The following TRPM8 variants were observed in gnomAD, a reference collection of about 807,000 sequenced individuals.
TRPM8 encodes transient receptor potential cation channel subfamily M member 8, also known as TRPM8 cationic channel.
In TRPM8, 110 loss-of-function variants were observed where a neutral mutation model predicts 133.7. The ratio of observed to expected loss-of-function variants is 0.82; its 90% confidence interval spans 0.70 to 0.96. TRPM8 has a LOEUF of 0.96. TRPM8 is among the 40% of genes least tolerant of loss of function. TRPM8 has a pLI of 0.00. For missense variants in TRPM8, 1,291 were observed against 1,379.5 expected (o/e 0.94, Z 1.02); for synonymous variants, 535 against 532.3 (o/e 1.01, Z -0.07).
intron 8 of TRPM8, among the ~76,000 whole-genome samples, chr2:233,948,820 G>T (rs774286489): frequency 6.6e-6 from 1 of 152,182 alleles, no homozygotes; most frequent in East Asian, 1.9e-4. Flanking sequence ...ATCACCTGAG[G>T]TCAGGAGTTC....
rs751810525 is a variant in TRPM8, at chr2:233,960,978, C to A, written c.1565C>A (p.Thr522Lys). The A allele has an allele frequency of 1.9e-6, 3 of 1,614,178 alleles. No individual in the cohort carries two copies. The highest frequency in any genetic ancestry group is 1.3e-5 in the African/African-American group (1 of 75,026). ...AATTCCTATAATGATGCCCTCCTCACGTTTGTCTGGAAACTGGTTGCGAAC... is the reference window on the plus strand; with the variant it reads ...AATTCCTATAATGATGCCCTCCTCAAGTTTGTCTGGAAACTGGTTGCGAAC... ...AKNSYNDALL[T>K]FVWKLVANFR... Residue 522 changes from threonine to lysine, a missense_variant, in exon 12 of 26, where the codon ACG (threonine) becomes AAG (lysine). By Grantham distance (78) the Thr-to-Lys change is moderately conservative (BLOSUM62 -1). Coordinates refer to ENST00000324695, the MANE Select transcript of TRPM8 (RefSeq NM_024080.5).
In TRPM8 at chr2:233,926,582, T is replaced by G. The variant is rs777438777; in HGVS notation, c.45T>G (p.Asn15Lys). Reference protein sequence around the residue: ...AARLSMRNRRNDTLDSTRTLY... With the variant: ...AARLSMRNRRKDTLDSTRTLY... ...GGCTCAGCATGAGGAACAGAAGGAA[T>G]GACACTCTGGACAGCACCCGGACCC... Residue 15 changes from asparagine to lysine, a missense_variant, in exon 2 of 26, where the codon AAT (asparagine) becomes AAG (lysine). Coordinates refer to ENST00000324695, the MANE Select transcript of TRPM8 (RefSeq NM_024080.5). 9 of 1,614,086 alleles carry G rather than the reference T, an allele frequency of 5.6e-6. No individual in the cohort carries two copies. Among genetic ancestry groups the G allele is most frequent in the Non-Finnish European group, 7.6e-6 (9 of 1,180,004 alleles).
At position 233,983,195 on chromosome 2, in the gene TRPM8, T is replaced by C. The variant is rs1218301641; in HGVS notation, c.2732T>C (p.Met911Thr). The change falls in exon 20 of 26, where the codon ATG becomes ACG. Residue 911 changes from methionine (M) to threonine (T), a missense_variant. Physicochemically the swap from Met to Thr is moderately conservative, Grantham distance 81 (BLOSUM62 -1). Around this residue, in one of 2 missense-constraint regions of TRPM8, gnomAD observed 328 missense variants for 410.6 expected, o/e 0.80. Coordinates refer to ENST00000324695, the MANE Select transcript of TRPM8 (RefSeq NM_024080.5). ...RSVIYEPYLA[M>T]FGQVPSDVDG... is the part of the protein sequence containing the mutation. The stretch of plus-strand genomic sequence containing the variant: ...GTCATCTACGAGCCCTACCTGGCCA[T>C]GTTCGGCCAGGTGCCCAGTGACGTG... 1.9e-6 allele frequency: 3 copies of C among 1,614,070 alleles called. No individual in the cohort carries two copies. The highest frequency in any genetic ancestry group is 1.7e-6 in the Non-Finnish European group (2 of 1,180,014).
chr2:233,994,013 A>C (rs1286951389), intron 21 of TRPM8, among the ~76,000 whole-genome samples: 1 of 152,108 alleles, frequency 6.6e-6, no homozygotes, highest in Non-Finnish European at 1.5e-5. Flanking sequence ...GAAATACAAC[A>C]TTGCTTAAAG....
intron 2 of TRPM8, among the ~76,000 whole-genome samples, chr2:233,928,997 C>CTTT (rs750819533): frequency 8.5e-6 from 1 of 117,780 alleles, no homozygotes; most frequent in Non-Finnish European, 1.6e-5. Context: ...AGTTTCTTTT[C>CTTT]TTTTTTTTTT....
At chr2:234,012,309 G>A (rs866748984) in intron 24 of TRPM8, among the ~76,000 whole-genome samples, 8 of 151,964 alleles carry the variant, frequency 5.3e-5, no homozygotes, top group African/African-American at 1.7e-4. Flanking sequence ...CACCATGCCC[G>A]GCTAATTTTT....
In TRPM8 at chr2:233,939,050, C is replaced by G; in HGVS notation, c.401C>G (p.Thr134Ser). 2 of 1,614,232 alleles carry G rather than the reference C, an allele frequency of 1.2e-6. No homozygotes were observed. The highest frequency in any genetic ancestry group is 1.7e-5 in the Admixed American group (1 of 60,038). ...GCGGAAATCCTTTACGAGCTGCTGA[C>G]CCAGCACTGGCACCTGAAAACACCC... ...TDAEILYELL[T>S]QHWHLKTPNL... is the part of the protein sequence containing the mutation. Residue 134 changes from threonine (T) to serine (S), a missense_variant, in exon 5 of 26, where the codon ACC (threonine) becomes AGC (serine). Transcript: ENST00000324695.
chr2:233,990,940 C>G (rs1259342141), intron 21 of TRPM8, among the ~76,000 whole-genome samples: 1 of 152,074 alleles, frequency 6.6e-6, no homozygotes, highest in African/African-American at 2.4e-5. Flanking sequence ...TAATGTAATA[C>G]AAACAGCATG....
intron 20 of TRPM8, 57 bp from the exon 21 acceptor site, chr2:233,985,631 A>G (rs1692125509): frequency 6.5e-7 from 1 of 1,537,484 alleles, no homozygotes; most frequent in Admixed American, 1.7e-5. Flanking sequence ...TGGGAATGCC[A>G]TCGCTCTCAC....
intron 11 of TRPM8, among the ~76,000 whole-genome samples, chr2:233,955,704 C>T (rs1205201384): frequency 6.6e-6 from 1 of 152,172 alleles, no homozygotes; most frequent in African/African-American, 2.4e-5. Context: ...TAGTGAGATA[C>T]ATAAGAGACA....
At chr2:233,920,522 T>G (rs962889006) in intron 1 of TRPM8, among the ~76,000 whole-genome samples, 6 of 152,238 alleles carry the variant, frequency 3.9e-5, no homozygotes, top group Non-Finnish European at 7.3e-5. Flanking sequence ...GATAATTCCA[T>G]TGAATTTTAC....
chr2:233,949,980 C>T lies in TRPM8; in HGVS notation c.974C>T (p.Pro325Leu). The T allele has an allele frequency of 1.9e-6, 3 of 1,614,114 alleles. No individual in the cohort carries two copies. The highest frequency in any genetic ancestry group is 2.5e-6 in the Non-Finnish European group (3 of 1,180,036). ...AATACCTCCATCAAAAATAAAATTC[C>T]TTGTGTGGTGGTGGAAGGCTCGGGC... ...AINTSIKNKI[P>L]CVVVEGSGQI... The change falls in exon 9 of 26, where the codon CCT (proline) becomes CTT (leucine). Residue 325 changes from proline (P) to leucine (L), a missense_variant. This residue lies in a region of TRPM8 where 963 missense variants were observed against 968.9 expected (regional missense o/e 0.99). Coordinates refer to ENST00000324695, the MANE Select transcript of TRPM8 (RefSeq NM_024080.5).
intron 5 of TRPM8, among the ~76,000 whole-genome samples, chr2:233,941,402 A>C (rs2125097569): frequency 6.6e-6 from 1 of 152,346 alleles, no homozygotes; most frequent in African/African-American, 2.4e-5. Context: ...TAAAAGAAGC[A>C]GGTGTAAAAC....
chr2:233,953,876 TA>T, intron 9 of TRPM8, 40 bp from the exon 10 acceptor site: 1 of 1,543,146 alleles, frequency 6.5e-7, no homozygotes, highest in Non-Finnish European at 8.9e-7. Flanking sequence ...TCCTCATGCC[TA>T]AAATCTGTTG....
intron 22 of TRPM8, among the ~76,000 whole-genome samples, chr2:233,997,002 C>A (rs1173114677): frequency 6.6e-6 from 1 of 152,162 alleles, no homozygotes; most frequent in Non-Finnish European, 1.5e-5. Flanking sequence ...TGGTGGCTCA[C>A]GCCTGTAATC....
chr2:234,008,504 GGA>G (rs1491404879), intron 24 of TRPM8, among the ~76,000 whole-genome samples: 1 of 152,208 alleles, frequency 6.6e-6, no homozygotes, highest in Non-Finnish European at 1.5e-5. Context: ...GGAGGGCATT[GGA>G]AATGCGTGAG....
At chr2:234,015,326 A>C (rs1483890359) in intron 25 of TRPM8, among the ~76,000 whole-genome samples, 1 of 152,156 alleles carries the variant, frequency 6.6e-6, no homozygotes, top group African/African-American at 2.4e-5. Context: ...GTTAGGAAAA[A>C]AACAGCAATG....
At chr2:234,013,236 C>T (rs952752792) in intron 24 of TRPM8, 1 of 152,150 alleles carries the variant, frequency 6.6e-6, no homozygotes, top group African/African-American at 2.4e-5. Flanking sequence ...ACCAGTAAGC[C>T]ATCTGATTTC....
intron 11 of TRPM8, among the ~76,000 whole-genome samples, chr2:233,955,801 G>A (rs1248976576): frequency 2.0e-5 from 3 of 152,174 alleles, no homozygotes; most frequent in African/African-American, 4.8e-5. Flanking sequence ...CAGGAAGTGA[G>A]CAGTGGGCGA....
Sources: gnomAD v4.1 joint callset for allele counts (sites outside exome capture counted in the v4.1 genomes callset) on GRCh38, gnomAD v4.1.1 for gene constraint, gnomAD v4.1.1 regional missense constraint, MANE v1.5 for transcripts, NCBI Gene and HGNC (gene_info 2026-07-23, HGNC 2026-07-21) for gene names.